Variants in DNAJB11 observed in about 807,000 individuals in gnomAD.
The protein encoded by DNAJB11 is DnaJ heat shock protein family (Hsp40) member B11, also known as dnaJ homolog subfamily B member 11.
Under a neutral mutation model 47.2 loss-of-function variants are expected in DNAJB11, and 30 were observed. The observed-to-expected ratio is 0.64, with a 90% CI of 0.48 to 0.86. The LOEUF (loss-of-function observed/expected upper bound fraction) is 0.86. Ranked by LOEUF, DNAJB11 falls within the 40% of genes least tolerant of loss-of-function variation. DNAJB11 has a pLI of 0.00. For missense variants in DNAJB11, 357 were observed against 440.2 expected (o/e 0.81, Z 1.69); for synonymous variants, 151 against 159.9 (o/e 0.94, Z 0.42).
intron 3 of DNAJB11, 84 bp downstream of exon 3, chr3:186,576,021 C>G: frequency 2.0e-6 from 2 of 1,021,344 alleles, no homozygotes; most frequent in Non-Finnish European, 3.0e-6. Flanking sequence ...TTCCCTAGTT[C>G]AGAAACTTTT....
intron 8 of DNAJB11, 34 bp from the exon 9 acceptor site, chr3:186,584,396 C>T (rs1715598613): frequency 6.6e-7 from 1 of 1,513,416 alleles, no homozygotes. Context: ...AGATGTACCG[C>T]TCCTGCTGCA....
At chr3:186,575,358 C>CGCGT (rs770234440) in intron 2 of DNAJB11, among the ~76,000 whole-genome samples, 34 of 76,342 alleles carry the variant, frequency 4.5e-4, no homozygotes, top group African/African-American at 1.9e-3. Context: ...AATACATGCG[C>CGCGT]GCGCGCGCGC....
intron 4 of DNAJB11, chr3:186,579,539 G>A (rs888014834): frequency 6.6e-6 from 1 of 152,096 alleles, no homozygotes; most frequent in African/African-American, 2.4e-5. Context: ...TTTAAGCAAA[G>A]TACAGTTGCT....
At position 186,585,409 on chromosome 3, in the gene DNAJB11, G is replaced by A. The variant is rs370175056; in HGVS notation, c.*1G>A. The A allele has an allele frequency of 6.2e-7, 1 of 1,604,744 alleles. No individual in the cohort carries two copies. The highest frequency in any genetic ancestry group is 1.3e-5 in the African/African-American group (1 of 74,744). On this transcript the variant is annotated 3_prime_UTR_variant, in exon 10 of 10. Coordinates refer to ENST00000265028, the MANE Select transcript of DNAJB11 (RefSeq NM_016306.6). Reference sequence around the variant, plus strand: ...ATACAATGGACTGCAAGGATATTGAGAGTGAATAAAATTGGACTTTGTTTA... The same window carrying A: ...ATACAATGGACTGCAAGGATATTGAAAGTGAATAAAATTGGACTTTGTTTA...
Position 186,575,825 on chromosome 3 carries a change from G to T in DNAJB11, c.226-15G>T. 1 of 1,599,766 alleles carries T rather than the reference G, an allele frequency of 6.3e-7. No individual in the cohort carries two copies. Among genetic ancestry groups the T allele is most frequent in the South Asian group, 1.1e-5 (1 of 90,714 alleles). ...CCAACTCATGATCTTTTCCTCCACT[G>T]GCTTTTATCCCCAGGTTCTGTCAGA... On this transcript the variant is annotated splice_polypyrimidine_tract_variant and intron_variant, in intron 2 of 9. Transcript: ENST00000265028.
chr3:186,574,939 C>G (rs1715214647), intron 2 of DNAJB11, among the ~76,000 whole-genome samples: 1 of 151,908 alleles, frequency 6.6e-6, no homozygotes, highest in Non-Finnish European at 1.5e-5. Flanking sequence ...TATATATGTG[C>G]ATATATATCA....
Position 186,570,887 on chromosome 3 carries a change from A to C in DNAJB11, c.-11A>C. ...AGGAGTGTGTGGAACAGGACCCGGG[A>C]CAGAGGAACCATGGCTCCGCAGAAC... On this transcript the variant is annotated 5_prime_UTR_variant, in exon 1 of 10. Coordinates refer to ENST00000265028, the MANE Select transcript of DNAJB11 (RefSeq NM_016306.6). The C allele has an allele frequency of 6.2e-7, 1 of 1,603,384 alleles. No individual in the cohort carries two copies. The highest frequency in any genetic ancestry group is 8.5e-7 in the Non-Finnish European group (1 of 1,174,818).
chr3:186,571,646 C>G (rs1715060152), intron 1 of DNAJB11, among the ~76,000 whole-genome samples: 1 of 152,086 alleles, frequency 6.6e-6, no homozygotes, highest in African/African-American at 2.4e-5. Flanking sequence ...ATTTATGTGG[C>G]ATAATCTTTT....
chr3:186,573,632 G>A (rs573388365), intron 2 of DNAJB11, among the ~76,000 whole-genome samples: 5 of 151,986 alleles, frequency 3.3e-5, no homozygotes, highest in South Asian at 2.1e-4. Context: ...TGATCCACCC[G>A]CCTCGGCTTC....
At chr3:186,577,929 G>T in intron 4 of DNAJB11, 129 bp downstream of exon 4, 1 of 711,636 alleles carries the variant, frequency 1.4e-6, no homozygotes. Flanking sequence ...GCACAAAATT[G>T]AATTAATTAT....
In DNAJB11 at chr3:186,585,471, T is replaced by C; in HGVS notation, c.*63T>C. On this transcript the variant is annotated 3_prime_UTR_variant, in exon 10 of 10. Coordinates refer to ENST00000265028, the MANE Select transcript of DNAJB11 (RefSeq NM_016306.6). ...TAAGCGATATTTATTATCTGCAAGGTTTTTTTGTGTGTGTTTTTGTTTTTA... is the reference window on the plus strand; with the variant it reads ...TAAGCGATATTTATTATCTGCAAGGCTTTTTTGTGTGTGTTTTTGTTTTTA... 1 of 1,289,276 alleles carries C rather than the reference T, an allele frequency of 7.8e-7. No individual in the cohort carries two copies. Among genetic ancestry groups the C allele is most frequent in the Admixed American group, 2.1e-5 (1 of 46,698 alleles). 79.9% of individuals were successfully genotyped at this position (1,289,276 alleles called of 1,614,324 possible).
rs760837256 is a variant in DNAJB11, at chr3:186,582,696, C to T, written c.683-20C>T. Reference sequence around the variant, plus strand: ...TTCAACTTGTATGATTTACAATATGCTGTAATCTGCTCTGACTAGGTGAGC... The same window carrying T: ...TTCAACTTGTATGATTTACAATATGTTGTAATCTGCTCTGACTAGGTGAGC... On this transcript the variant is annotated intron_variant, in intron 6 of 9. Transcript: ENST00000265028. The T allele has an allele frequency of 6.4e-6, 10 of 1,573,576 alleles. No individual in the cohort carries two copies. The East Asian group carries it at 2.3e-4, about 36-fold the overall frequency.
intron 5 of DNAJB11, 136 bp from the exon 6 acceptor site, chr3:186,581,859 G>T (rs1715496868): frequency 1.4e-6 from 1 of 699,468 alleles, no homozygotes; most frequent in Non-Finnish European, 2.3e-6. Context: ...ATGATTATCA[G>T]ATAGTTTTGT....
chr3:186,573,384 T>A (rs1715152881), intron 2 of DNAJB11, among the ~76,000 whole-genome samples: 1 of 151,922 alleles, frequency 6.6e-6, no homozygotes, highest in Admixed American at 6.6e-5. Flanking sequence ...GGGGCAGAAA[T>A]TCTTTTTTAT....
At chr3:186,571,031 G>GGCCCCCC in intron 1 of DNAJB11, 66 bp downstream of exon 1, 1 of 1,041,144 alleles carries the variant, frequency 9.6e-7, no homozygotes, top group Non-Finnish European at 1.4e-6. Flanking sequence ...GTGGGAGGGG[G>GGCCCCCC]TGGGGGAAGT....
intron 5 of DNAJB11, among the ~76,000 whole-genome samples, 186 bp downstream of exon 5, chr3:186,581,699 C>G (rs977732906): frequency 1.3e-5 from 2 of 151,590 alleles, no homozygotes; most frequent in Admixed American, 1.3e-4. Context: ...TTTTATGTTT[C>G]TGAACTAACA....
At chr3:186,574,791 G>A (rs1715208329) in intron 2 of DNAJB11, among the ~76,000 whole-genome samples, 1 of 152,162 alleles carries the variant, frequency 6.6e-6, no homozygotes, top group Admixed American at 6.6e-5. Context: ...AAGTCAACAA[G>A]CCCCGTCTAC....
chr3:186,579,670 C>G (rs986076000), intron 4 of DNAJB11: 5 of 152,304 alleles, frequency 3.3e-5, no homozygotes. Context: ...AACTACCTTT[C>G]CCTGCAGAGC....
chr3:186,577,940 A>T (rs1406404795), intron 4 of DNAJB11, 140 bp downstream of exon 4: 2 of 655,552 alleles, frequency 3.1e-6, no homozygotes, highest in African/African-American at 3.8e-5. Context: ...AATTAATTAT[A>T]ATGCTTGGTT....
Sources: gnomAD v4.1 joint callset for allele counts (sites outside exome capture counted in the v4.1 genomes callset) on GRCh38, gnomAD v4.1.1 for gene constraint, MANE v1.5 for transcripts, NCBI Gene and HGNC (gene_info 2026-07-23, HGNC 2026-07-21) for gene names.